ZNF160: variants seen among roughly 807,000 people sequenced by gnomAD.
ZNF160 encodes the protein zinc finger protein 160.
ZNF160 carries 9 observed loss-of-function variants against 13.1 expected under a neutral mutation model. The observed-to-expected ratio is 0.69, with a 90% confidence interval of 0.41 to 1.20. ZNF160 has a LOEUF of 1.20. Ranked by LOEUF, ZNF160 falls within the 50% of genes most tolerant of loss-of-function variation. The pLI is 0.01. For synonymous variants in ZNF160, 293 were observed against 333.2 expected, an observed-to-expected ratio of 0.88 and a Z score of 1.31; for missense variants, 838 against 988.0, an observed-to-expected ratio of 0.85 and a Z score of 2.04.
chr19:53,068,643 T>C lies in ZNF160; in HGVS notation c.1891A>G (p.Arg631Gly). Residue 631 changes from arginine (R) to glycine (G), a missense_variant, in exon 6 of 6, where the codon AGG becomes GGG. Arg to Gly is a moderately radical substitution (Grantham distance 125). Coordinates refer to ENST00000683776, the MANE Select transcript of ZNF160 (RefSeq NM_001322131.2). Reference sequence around the variant, plus strand: ...TGAGTTGCAAGGTATGAATTGTGCCTAAAAACCTTGCCGCATTCATGACAT... The same window carrying C: ...TGAGTTGCAAGGTATGAATTGTGCCCAAAAACCTTGCCGCATTCATGACAT... ...YKCHECGKVF[R>G]HNSYLATHRR... is the part of the protein sequence containing the mutation. The C allele has an allele frequency of 1.2e-6, 2 of 1,613,988 alleles. No individual in the cohort carries two copies. Among genetic ancestry groups the C allele is most frequent in the Non-Finnish European group, 1.7e-6 (2 of 1,180,002 alleles).
At position 53,068,076 on chromosome 19, in the gene ZNF160, CTCATTTGTAAGGTTTCTCTCCGG is replaced by C. The variant is rs1401169558; in HGVS notation, c.2435_2457del (p.Thr812SerfsTer16). The C allele has an allele frequency of 1.3e-6, 2 of 1,595,636 alleles. No homozygotes were observed. Among genetic ancestry groups the C allele is most frequent in the East Asian group, 4.5e-5 (2 of 44,742 alleles). ...AATTGTACCTAATGACCTCACCACA[CTCATTTGTAAGGTTTCTCTCCGG>C]TATGCATTCTGTGATGACTTGCAAG... On this transcript the variant is annotated frameshift_variant and stop_lost, in exon 6 of 6. Transcript: ENST00000683776. LOFTEE classifies it high-confidence loss of function.
intron 2 of ZNF160, among the ~76,000 whole-genome samples, chr19:53,090,842 C>T (rs537549852): frequency 7.2e-5 from 11 of 152,254 alleles, no homozygotes; most frequent in African/African-American, 2.4e-4. Flanking sequence ...GAATGCACCT[C>T]GCGGGTGAGG....
At chr19:53,074,923 T>C in intron 4 of ZNF160, 134 bp downstream of exon 4, 3 of 1,205,578 alleles carry the variant, frequency 2.5e-6, no homozygotes, top group Non-Finnish European at 3.6e-6. Flanking sequence ...TTTCCCATGA[T>C]TAAGCTTTCC....
intron 1 of ZNF160, among the ~76,000 whole-genome samples, chr19:53,100,221 A>G (rs931082086): frequency 1.3e-5 from 2 of 152,220 alleles, no homozygotes; most frequent in Non-Finnish European, 2.9e-5. Flanking sequence ...ATTTACAGAA[A>G]ATAGAACTGA....
intron 2 of ZNF160, among the ~76,000 whole-genome samples, chr19:53,088,796 T>C (rs1232377983): frequency 6.6e-6 from 1 of 152,134 alleles, no homozygotes; most frequent in Non-Finnish European, 1.5e-5. Context: ...TGACAGCTTC[T>C]CCAGCAGACT....
intron 2 of ZNF160, among the ~76,000 whole-genome samples, chr19:53,088,018 C>T (rs955808875): frequency 3.3e-5 from 5 of 152,138 alleles, no homozygotes; most frequent in South Asian, 2.1e-4. Context: ...ATGAGAAGTA[C>T]GGAAAGGCAG....
chr19:53,100,589 G>A (rs1015547347), intron 1 of ZNF160, among the ~76,000 whole-genome samples: 5 of 151,304 alleles, frequency 3.3e-5, no homozygotes, highest in African/African-American at 9.7e-5. Context: ...CAGCCTGGGC[G>A]ACAGAGCGAG....
chr19:53,078,016 C>T (rs1028622057), intron 3 of ZNF160, among the ~76,000 whole-genome samples: 16 of 151,734 alleles, frequency 1.1e-4, no homozygotes, highest in South Asian at 4.2e-4. Context: ...CTAAGGCGGG[C>T]GGATCACGAG....
At chr19:53,089,844 G>C (rs546283499) in intron 2 of ZNF160, among the ~76,000 whole-genome samples, 93 of 150,932 alleles carry the variant, frequency 6.2e-4, no homozygotes, top group African/African-American at 2.2e-3. Flanking sequence ...TTCCCCCCAG[G>C]TTTCTGCTCC....
intron 5 of ZNF160, among the ~76,000 whole-genome samples, chr19:53,071,556 A>AC (rs199920152): frequency 0.046 from 6,889 of 149,920 alleles, 417 homozygotes; most frequent in African/African-American, 0.14. Context: ...AAAAAAAAAA[A>AC]AAAGGCTGAG....
intron 1 of ZNF160, among the ~76,000 whole-genome samples, chr19:53,099,200 G>C (rs1035271310): frequency 5.3e-5 from 8 of 152,236 alleles, no homozygotes; most frequent in Non-Finnish European, 1.2e-4. Context: ...GACAGGCAGA[G>C]AGAATTTCAG....
intron 5 of ZNF160, among the ~76,000 whole-genome samples, chr19:53,072,310 C>T (rs1393936377): frequency 1.3e-5 from 2 of 152,076 alleles, no homozygotes; most frequent in Non-Finnish European, 2.9e-5. Context: ...CCATGTTGGT[C>T]GGGCCGGTCT....
intron 1 of ZNF160, among the ~76,000 whole-genome samples, chr19:53,096,158 G>T (rs1312622125): frequency 2.0e-5 from 3 of 152,238 alleles, no homozygotes; most frequent in African/African-American, 7.2e-5. Context: ...GACAGAGGTT[G>T]CAGTGAGCTG....
chr19:53,096,636 C>T (rs1476154475), intron 1 of ZNF160, among the ~76,000 whole-genome samples: 1 of 136,240 alleles, frequency 7.3e-6, no homozygotes, highest in Non-Finnish European at 1.6e-5. Flanking sequence ...AGACCCAGAT[C>T]CTTGGGTCTT....
intron 3 of ZNF160, among the ~76,000 whole-genome samples, chr19:53,080,395 G>A (rs1052715581): frequency 3.9e-5 from 6 of 152,150 alleles, no homozygotes; most frequent in African/African-American, 4.8e-5. Flanking sequence ...CACTGTGCCC[G>A]GCCCAGTCAG....
intron 1 of ZNF160, among the ~76,000 whole-genome samples, chr19:53,092,827 G>A (rs2085084842): frequency 6.6e-6 from 1 of 152,160 alleles, no homozygotes; most frequent in Non-Finnish European, 1.5e-5. Context: ...AGGAAAAATA[G>A]CATATTTCAC....
intron 5 of ZNF160, among the ~76,000 whole-genome samples, chr19:53,070,568 G>A (rs992636085): frequency 1.3e-5 from 2 of 151,944 alleles, no homozygotes; most frequent in African/African-American, 2.4e-5. Context: ...CCGCCACCAC[G>A]CCTGGCTAAT....
Position 53,069,654 on chromosome 19 carries a change from A to C in ZNF160, c.880T>G (p.Phe294Val), listed in dbSNP as rs780006087. The change falls in exon 6 of 6, where the codon TTT (phenylalanine) becomes GTT (valine). Residue 294 changes from phenylalanine to valine, a missense_variant. Physicochemically the swap from Phe to Val is conservative, Grantham distance 50. This residue lies in a region of ZNF160 where 387 missense variants were observed against 402.3 expected (regional missense o/e 0.96). Transcript: ENST00000683776. The surrounding 1 kb of genome is among the most constrained non-coding windows in gnomAD (Gnocchi z 4.4). Reference sequence around the variant, plus strand: ...ATAGTTAGATTTGAACGAACAGTAAAGGTTTTGCCGCACTCACTGCATTTG... The same window carrying C: ...ATAGTTAGATTTGAACGAACAGTAACGGTTTTGCCGCACTCACTGCATTTG... ...PYKCSECGKT[F>V]TVRSNLTIHQ... 6.2e-7 allele frequency: 1 copy of C among 1,613,868 alleles called. No individual in the cohort carries two copies. Among genetic ancestry groups the C allele is most frequent in the South Asian group, 1.1e-5 (1 of 91,072 alleles).
intron 5 of ZNF160, among the ~76,000 whole-genome samples, chr19:53,070,979 T>A (rs2084150375): frequency 6.6e-6 from 1 of 151,146 alleles, no homozygotes; most frequent in Admixed American, 6.6e-5. Context: ...GGGTGGATCA[T>A]GAGGTCAGGA....
Sources: gnomAD v4.1 joint callset for allele counts (sites outside exome capture counted in the v4.1 genomes callset) on GRCh38, gnomAD v4.1.1 for gene constraint, gnomAD v4.1.1 regional missense constraint, Gnocchi (gnomAD v3.1) non-coding constraint, MANE v1.5 for transcripts, NCBI Gene and HGNC (gene_info 2026-07-23, HGNC 2026-07-21) for gene names.